The following BANP variants were observed in gnomAD, a reference collection of about 807,000 sequenced individuals.
BANP encodes the protein protein BANP.
A neutral mutation model predicts 68.1 loss-of-function variants in BANP; 11 were observed. That is an observed-to-expected ratio of 0.16 (90% CI 0.10 to 0.27). The LOEUF (loss-of-function observed/expected upper bound fraction) is 0.27. Among genes scored for constraint, BANP ranks in the 10% least tolerant of loss-of-function variants. BANP has a pLI of 1.00. For synonymous variants in BANP, 329 were observed against 303.2 expected (o/e 1.09, Z -0.88); for missense variants, 504 against 722.7 (o/e 0.70, Z 3.47).
chr16:87,975,924 G>T lies in BANP; in HGVS notation c.70+739G>T, dbSNP rs373912589. Among the ~76,000 whole-genome samples the T allele has an allele frequency of 3.7e-4, 41 of 111,000 alleles. 1 individual carries two copies. Among genetic ancestry groups the T allele is most frequent in the African/African-American group, 4.5e-4 (13 of 28,584 alleles). 72.8% of individuals were successfully genotyped at this position (111,000 alleles called of 152,430 possible). A position where few individuals can be genotyped will look rare whatever the true frequency, so the allele number is the denominator to read the frequency against. ...GTGGTGTCATGGAACCTTACCATGT[G>T]GTGTGTGTAATCCCCTGTGTGTGGT... is the stretch of plus-strand genomic sequence containing the variant. On this transcript the variant is annotated intron_variant, in intron 2 of 13. Coordinates refer to ENST00000682872, the MANE Select transcript of BANP (RefSeq NM_001386991.1).
rs60782924 is a variant in BANP, at chr16:88,030,259, G to C, written c.1063+2609G>C. 8.3e-3 allele frequency among the ~76,000 whole-genome samples: 1,260 copies of C among 152,192 alleles called. 19 individuals are homozygous for C. Among genetic ancestry groups the C allele is most frequent in the African/African-American group, 0.029 (1,202 of 41,486 alleles). Reference sequence around the variant, plus strand: ...CCTATGATCAGAAAATCAGCAAATAGGAAGGGACCCTGTCTGGAATTAACT... The same window carrying C: ...CCTATGATCAGAAAATCAGCAAATACGAAGGGACCCTGTCTGGAATTAACT... On this transcript the variant is annotated intron_variant, in intron 8 of 13. Coordinates refer to ENST00000682872, the MANE Select transcript of BANP (RefSeq NM_001386991.1).
intron 8 of BANP, among the ~76,000 whole-genome samples, chr16:88,028,212 A>C (rs1280018908): frequency 6.6e-6 from 1 of 152,246 alleles, no homozygotes; most frequent in African/African-American, 2.4e-5. Context: ...TAAGTATTTG[A>C]ATGAAAACTA....
At chr16:88,027,369 G>C in intron 7 of BANP, 114 bp from the exon 8 acceptor site, 1 of 1,186,966 alleles carries the variant, frequency 8.4e-7, no homozygotes, top group Non-Finnish European at 1.2e-6. Flanking sequence ...CCGGCCTGGC[G>C]GGCTGGGGTG....
chr16:87,985,452 G>A (rs2064176840), intron 4 of BANP, among the ~76,000 whole-genome samples: 1 of 152,088 alleles, frequency 6.6e-6, no homozygotes. Flanking sequence ...GGACGCTGTT[G>A]GGCTCCCAGG....
intron 11 of BANP, among the ~76,000 whole-genome samples, chr16:88,061,822 T>C (rs2086895001): frequency 2.0e-5 from 3 of 152,216 alleles, no homozygotes; most frequent in Non-Finnish European, 1.5e-5. Flanking sequence ...CGCACCACCA[T>C]GCCCGGCTAA....
intron 1 of BANP, among the ~76,000 whole-genome samples, chr16:87,956,284 G>T (rs2058038451): frequency 6.6e-6 from 1 of 152,234 alleles, no homozygotes; most frequent in African/African-American, 2.4e-5. Context: ...TTGAAGGAAA[G>T]ACTTCTTGGG....
At chr16:88,016,845 G>A (rs1463690228) in intron 6 of BANP, among the ~76,000 whole-genome samples, 1 of 152,168 alleles carries the variant, frequency 6.6e-6, no homozygotes, top group Non-Finnish European at 1.5e-5. Flanking sequence ...TCTGAGCATC[G>A]ATGCTCCTTA....
intron 1 of BANP, among the ~76,000 whole-genome samples, chr16:87,961,730 T>C (rs1335827952): frequency 2.6e-5 from 4 of 152,140 alleles, no homozygotes; most frequent in African/African-American, 9.7e-5. Context: ...AGTGTCACAG[T>C]ATTAAGAGGT....
chr16:87,985,078 A>G (rs1326608453), intron 4 of BANP, among the ~76,000 whole-genome samples: 1 of 152,184 alleles, frequency 6.6e-6, no homozygotes, highest in Non-Finnish European at 1.5e-5. Flanking sequence ...TGGGAGCCGC[A>G]ACAAGCCTGG....
chr16:88,040,065 A>G (rs1567842199), intron 11 of BANP, among the ~76,000 whole-genome samples: 2 of 152,164 alleles, frequency 1.3e-5, no homozygotes, highest in Non-Finnish European at 2.9e-5. Flanking sequence ...CTGGGACCTC[A>G]AATCAAAGAC....
At chr16:87,975,674 G>C (rs1453534230) in intron 2 of BANP, among the ~76,000 whole-genome samples, 1 of 151,606 alleles carries the variant, frequency 6.6e-6, no homozygotes, top group Non-Finnish European at 1.5e-5. Context: ...TGTGTGTGGC[G>C]TCATGGAACC....
At chr16:88,011,285 A>C (rs1273323180) in intron 6 of BANP, among the ~76,000 whole-genome samples, 1 of 150,116 alleles carries the variant, frequency 6.7e-6, no homozygotes, top group African/African-American at 2.5e-5. Context: ...GCTCCTCCCC[A>C]CCACCTCCCC....
intron 11 of BANP, among the ~76,000 whole-genome samples, chr16:88,063,526 C>G (rs533683922): frequency 6.6e-6 from 1 of 152,186 alleles, no homozygotes; most frequent in Non-Finnish European, 1.5e-5. Flanking sequence ...GTGGGGTGAC[C>G]GCTGGTCATT....
In BANP at chr16:88,077,245, A is replaced by G. The variant is rs1385224250; in HGVS notation, c.*584A>G. ...GGTTCCGATGGGGTATTGCTGACCT[A>G]CTTTTCTAGGGGAAATGCTCTTAAA... On this transcript the variant is annotated 3_prime_UTR_variant, in exon 14 of 14. Coordinates refer to ENST00000682872, the MANE Select transcript of BANP (RefSeq NM_001386991.1). 6.6e-6 allele frequency: 1 copy of G among 152,384 alleles called. No homozygotes were observed. The highest frequency in any genetic ancestry group is 1.5e-5 in the Non-Finnish European group (1 of 68,136). 9.4% of individuals were successfully genotyped at this position (152,384 alleles called of 1,614,324 possible).
chr16:88,042,775 G>C (rs552525597), intron 11 of BANP, among the ~76,000 whole-genome samples: 1 of 151,668 alleles, frequency 6.6e-6, no homozygotes, highest in South Asian at 2.1e-4. Flanking sequence ...AATTAGCCAC[G>C]TCTGGTGGTA....
At chr16:88,019,467 C>A (rs2075380094) in intron 7 of BANP, among the ~76,000 whole-genome samples, 2 of 151,548 alleles carry the variant, frequency 1.3e-5, no homozygotes, top group Middle Eastern at 3.4e-3. Context: ...CTCAGGGGAG[C>A]GTGAAATGTA....
intron 6 of BANP, among the ~76,000 whole-genome samples, chr16:88,013,013 G>C (rs951122961): frequency 1.3e-5 from 2 of 152,176 alleles, no homozygotes; most frequent in Non-Finnish European, 2.9e-5. Flanking sequence ...GCAGATATGA[G>C]ACAGTGCCTT....
chr16:88,043,536 T>G (rs1329429461), intron 11 of BANP, among the ~76,000 whole-genome samples: 1 of 152,226 alleles, frequency 6.6e-6, no homozygotes, highest in Non-Finnish European at 1.5e-5. Flanking sequence ...GCCCTGGGCA[T>G]GAAGATCAAA....
At chr16:88,025,880 C>T (rs1312673227) in intron 7 of BANP, among the ~76,000 whole-genome samples, 1 of 152,160 alleles carries the variant, frequency 6.6e-6, no homozygotes, top group East Asian at 1.9e-4. Flanking sequence ...GGATTCCATC[C>T]ATGTATTTTC....
Sources: gnomAD v4.1 joint callset for allele counts (sites outside exome capture counted in the v4.1 genomes callset) on GRCh38, gnomAD v4.1.1 for gene constraint, MANE v1.5 for transcripts, NCBI Gene and HGNC (gene_info 2026-07-23, HGNC 2026-07-21) for gene names.